RBM39: variants seen among roughly 807,000 people sequenced by gnomAD.
RBM39 encodes the protein RNA binding motif protein 39.
In RBM39, 12 loss-of-function variants were observed where a neutral mutation model predicts 79.6. The observed-to-expected ratio is 0.15, with a 90% confidence interval of 0.10 to 0.24. The LOEUF (loss-of-function observed/expected upper bound fraction) is 0.24, where lower values mean the gene tolerates loss of function less well. RBM39 is among the 10% of genes least tolerant of loss of function. The pLI, the probability that RBM39 is intolerant of heterozygous loss-of-function variation, is 1.00. For missense variants in RBM39, 243 were observed against 653.4 expected (o/e 0.37, Z 6.85); for synonymous variants, 185 against 208.4 (o/e 0.89, Z 0.97).
intron 13 of RBM39, chr20:35,707,463 A>T: frequency 3.8e-6 from 1 of 264,936 alleles, no homozygotes; most frequent in Non-Finnish European, 7.2e-6. Flanking sequence ...TTTATGTGTT[A>T]TCAAAATCAG....
At chr20:35,739,155 C>T (rs375236530) in intron 2 of RBM39, 138 bp from the exon 3 acceptor site, 1 of 786,630 alleles carries the variant, frequency 1.3e-6, no homozygotes, top group Non-Finnish European at 2.1e-6. Flanking sequence ...ACATGGAAGG[C>T]TATAAAAAAA....
chr20:35,715,589 G>T (rs2037009973), intron 10 of RBM39, among the ~76,000 whole-genome samples: 1 of 152,160 alleles, frequency 6.6e-6, no homozygotes, highest in African/African-American at 2.4e-5. Context: ...TAACTGTTAA[G>T]AATGTGTCAA....
chr20:35,724,633 A>C lies in RBM39; in HGVS notation c.624T>G (p.Pro208=). The C allele has an allele frequency of 6.2e-7, 1 of 1,614,136 alleles. No individual in the cohort carries two copies. The highest frequency in any genetic ancestry group is 8.5e-7 in the Non-Finnish European group (1 of 1,180,018). The change falls in exon 8 of 17, where the codon CCT becomes CCG. Residue 208 remains proline (P), a synonymous_variant. Coordinates refer to ENST00000253363, the MANE Select transcript of RBM39 (RefSeq NM_184234.3). ...YVEFVDVSSV[P]LAIGLTGQRV... ...GTTGGCCAGTTAATCCTATTGCTAG[A>C]GGCACTGAGCTAACATCGACGAACT...
chr20:35,716,095 TTAC>T (rs1221123017), intron 10 of RBM39, among the ~76,000 whole-genome samples: 3 of 152,122 alleles, frequency 2.0e-5, no homozygotes, highest in African/African-American at 7.2e-5. Context: ...AGGCAGAGTC[TTAC>T]TCTGTTGCCC....
chr20:35,721,717 T>G, intron 9 of RBM39, 23 bp downstream of exon 9: 1 of 1,610,758 alleles, frequency 6.2e-7, no homozygotes, highest in South Asian at 1.1e-5. Flanking sequence ...CTACTGAAGA[T>G]TCATTGAAGA....
rs1192864865 is a variant in RBM39, at chr20:35,739,032, TAGA to T, written c.52-18_52-16del. ...TTGTTCTCATCCTAAGCAGGGTTGATAGAAGAACATCATGAGGACGAAGTGGTA... is the reference window on the plus strand; with the variant it reads ...TTGTTCTCATCCTAAGCAGGGTTGATAGAACATCATGAGGACGAAGTGGTA... On this transcript the variant is annotated splice_polypyrimidine_tract_variant and intron_variant, in intron 2 of 16. Transcript: ENST00000253363. The T allele has an allele frequency of 4.4e-6, 7 of 1,603,790 alleles. No homozygotes were observed. The highest frequency in any genetic ancestry group is 2.7e-5 in the African/African-American group (2 of 74,650).
chr20:35,705,783 G>A (rs1432519959), intron 14 of RBM39, among the ~76,000 whole-genome samples: 2 of 145,262 alleles, frequency 1.4e-5, no homozygotes, highest in South Asian at 2.2e-4. Context: ...AGGTAACTCC[G>A]TCTCAAAAAA....
chr20:35,717,113 C>A, intron 9 of RBM39, among the ~76,000 whole-genome samples: 1 of 151,980 alleles, frequency 6.6e-6, no homozygotes, highest in Admixed American at 6.6e-5. Context: ...AATCAGGTCT[C>A]CACCAAAAAT....
At chr20:35,711,705 G>A (rs933829933) in intron 12 of RBM39, among the ~76,000 whole-genome samples, 11 of 152,160 alleles carry the variant, frequency 7.2e-5, no homozygotes, top group South Asian at 2.1e-4. Flanking sequence ...AACAAAAGTC[G>A]TCTTCTACTT....
At chr20:35,713,690 A>AAAAAAAAC (rs2036755143) in intron 11 of RBM39, 2 of 149,668 alleles carry the variant, frequency 1.3e-5, no homozygotes, top group Non-Finnish European at 3.0e-5. Flanking sequence ...AAAAAAAAAA[A>AAAAAAAAC]AAAAAAACCA....
chr20:35,723,832 A>T (rs2038306463), intron 8 of RBM39, among the ~76,000 whole-genome samples: 1 of 152,224 alleles, frequency 6.6e-6, no homozygotes, highest in Non-Finnish European at 1.5e-5. Context: ...CTTGAGCATG[A>T]CAGTTTGAAA....
At chr20:35,704,910 A>C (rs1396429902) in intron 15 of RBM39, 164 bp from the exon 16 acceptor site, 2 of 629,998 alleles carry the variant, frequency 3.2e-6, no homozygotes, top group African/African-American at 1.8e-5. Context: ...TTATTAAAAA[A>C]TGACTTCTAC....
At chr20:35,704,825 G>A (rs964194498) in intron 15 of RBM39, 79 bp from the exon 16 acceptor site, 7 of 1,283,136 alleles carry the variant, frequency 5.5e-6, no homozygotes, top group Non-Finnish European at 7.8e-6. Flanking sequence ...CAAGTTGCCT[G>A]TAGAAACTTA....
chr20:35,721,890 A>C lies in RBM39; in HGVS notation c.688-13T>G. The C allele has an allele frequency of 6.2e-7, 1 of 1,611,790 alleles. No individual in the cohort carries two copies. The highest frequency in any genetic ancestry group is 1.3e-5 in the African/African-American group (1 of 74,946). Reference sequence around the variant, plus strand: ...TGTTTTTTTCTGCCTAGAAGACAAAATACACGTCACACAGAGATAACACAC... The same window carrying C: ...TGTTTTTTTCTGCCTAGAAGACAAACTACACGTCACACAGAGATAACACAC... On this transcript the variant is annotated splice_polypyrimidine_tract_variant and intron_variant, in intron 8 of 16. Coordinates refer to ENST00000253363, the MANE Select transcript of RBM39 (RefSeq NM_184234.3).
chr20:35,724,412 A>G (rs2038392817), intron 8 of RBM39, among the ~76,000 whole-genome samples, 158 bp downstream of exon 8: 3 of 150,842 alleles, frequency 2.0e-5, no homozygotes, highest in Non-Finnish European at 4.4e-5. Flanking sequence ...AAACTGTATC[A>G]ATGTTAATAA....
At chr20:35,741,024 ATTTTTCTTT>A in intron 1 of RBM39, 137 bp from the exon 2 acceptor site, 5 of 76,918 alleles carry the variant, frequency 6.5e-5, no homozygotes, top group Non-Finnish European at 1.2e-4. Context: ...GTGAGTAAAC[ATTTTTCTTT>A]TTTTTTTTTT....
chr20:35,739,201 ACATTT>A (rs1217937243), intron 2 of RBM39, 184 bp from the exon 3 acceptor site: 5 of 636,860 alleles, frequency 7.9e-6, no homozygotes, highest in South Asian at 1.8e-5. Flanking sequence ...TTTGTTGCTT[ACATTT>A]AAGTCATCAA....
intron 13 of RBM39, chr20:35,708,724 G>A (rs2036051250): frequency 6.6e-6 from 1 of 152,366 alleles, no homozygotes; most frequent in Admixed American, 6.5e-5. Flanking sequence ...TCTCTGAAAT[G>A]TGCATGTAAT....
At position 35,727,472 on chromosome 20, in the gene RBM39, A is replaced by C. The variant is rs1467799864; in HGVS notation, c.416+1840T>G. Among the ~76,000 whole-genome samples the C allele has an allele frequency of 2.0e-5, 3 of 151,246 alleles. No individual in the cohort carries two copies. The East Asian group carries it at 5.8e-4, about 29-fold the overall frequency. On this transcript the variant is annotated intron_variant, in intron 6 of 16. Transcript: ENST00000253363. ...TCCTTGAACCGAAATCGTAGACTGA[A>C]CAAATACAGTTCCCTTTTTTTTTGT...
Sources: allele counts gnomAD v4.1 joint callset (sites outside exome capture counted in the v4.1 genomes callset), GRCh38; gene constraint gnomAD v4.1.1; transcripts MANE v1.5; gene names NCBI Gene and HGNC (gene_info 2026-07-23, HGNC 2026-07-21).